DPP9: variants seen among roughly 807,000 people sequenced by gnomAD.
DPP9 encodes the protein dipeptidyl peptidase IV-related protein-2.
In DPP9, 50 loss-of-function variants were observed where a neutral mutation model predicts 110.7. The observed-to-expected ratio is 0.45, with a 90% CI of 0.36 to 0.57. The LOEUF is 0.57. Ranked by LOEUF, DPP9 falls within the 20% of genes least tolerant of loss-of-function variation. The pLI is 0.00. For missense variants in DPP9, 1,022 were observed against 1,217.9 expected, an observed-to-expected ratio of 0.84 and a Z score of 2.39; for synonymous variants, 561 against 514.4, an observed-to-expected ratio of 1.09 and a Z score of -1.23.
intron 19 of DPP9, 133 bp downstream of exon 19, chr19:4,683,344 C>G: frequency 6.8e-7 from 1 of 1,479,724 alleles, no homozygotes. Context: ...GAAACAGCCA[C>G]GTGGCAAGGC....
rs2090398852 is a variant in DPP9 at position 4,684,543 on chromosome 19, A to C, written c.2178+120T>G. On this transcript the variant is annotated intron_variant, in intron 18 of 21. Coordinates refer to ENST00000262960, the MANE Select transcript of DPP9 (RefSeq NM_139159.5). The surrounding 1 kb of genome is among the most constrained non-coding windows in gnomAD (Gnocchi z 4.8). The stretch of plus-strand genomic sequence containing the variant: ...CGCCTCATTGAGCCTGCGTCACCCC[A>C]GCCAGAAGTGCCCTTCTGCGGGTGG... 1.1e-5 allele frequency: 13 copies of C among 1,202,902 alleles called. No homozygotes were observed. The highest frequency in any genetic ancestry group is 1.3e-5 in the Non-Finnish European group (11 of 862,494). The allele number at this position is 1,202,902 out of a possible 1,614,324, so 74.5% of individuals were successfully genotyped here.
In DPP9 at chr19:4,688,812, G is replaced by A. The variant is rs773659670; in HGVS notation, c.1830C>T (p.Asp610=). The A allele has an allele frequency of 1.0e-5, 15 of 1,489,654 alleles. No individual in the cohort carries two copies. Among genetic ancestry groups the A allele is most frequent in the African/African-American group, 3.0e-5 (2 of 67,606 alleles). 92.3% of individuals were successfully genotyped at this position (1,489,654 alleles called of 1,614,324 possible). Residue 610 remains aspartate (D), a synonymous_variant, in exon 16 of 22, where the codon GAC becomes GAT. Coordinates refer to ENST00000262960, the MANE Select transcript of DPP9 (RefSeq NM_139159.5). ...CVHVYKLSGP[D]DDPLHKQPRF... is the part of the protein sequence containing the mutation. Reference sequence around the variant, plus strand: ...GGGGCTGCTTGTGCAGGGGGTCGTCGTCGGGGCCGCTCAGCTTGTAGACGT... The same window carrying A: ...GGGGCTGCTTGTGCAGGGGGTCGTCATCGGGGCCGCTCAGCTTGTAGACGT...
In DPP9 at chr19:4,684,814, G is replaced by C. The variant is rs774127172; in HGVS notation, c.2032-5C>G. On this transcript the variant is annotated splice_region_variant and splice_polypyrimidine_tract_variant and intron_variant, in intron 17 of 21. Coordinates refer to ENST00000262960, the MANE Select transcript of DPP9 (RefSeq NM_139159.5). This position sits in a 1 kb window ranked among gnomAD's most constrained non-coding sequence, Gnocchi z 4.8. ...GGAGTTATTCACCAGCTGCACCTGT[G>C]GGGAGGTGAGGGCCAGCAGTCCAGC... 6.3e-7 allele frequency: 1 copy of C among 1,586,956 alleles called. No homozygotes were observed. Among genetic ancestry groups the C allele is most frequent in the South Asian group, 1.2e-5 (1 of 86,882 alleles).
At chr19:4,690,189 T>C (rs901075508) in intron 14 of DPP9, among the ~76,000 whole-genome samples, 5 of 152,216 alleles carry the variant, frequency 3.3e-5, no homozygotes, top group African/African-American at 1.2e-4. Context: ...TGGTGTCTCC[T>C]GGAGGAGTGG....
At chr19:4,705,470 C>T (rs900183097) in intron 5 of DPP9, among the ~76,000 whole-genome samples, 4 of 152,202 alleles carry the variant, frequency 2.6e-5, no homozygotes, top group African/African-American at 9.7e-5. Context: ...AATCCTCTTG[C>T]CTCGGCCTCC....
rs758690317 is a variant in DPP9, at chr19:4,702,139, C to T, written c.900G>A (p.Lys300=). The change falls in exon 9 of 22, where the codon AAG becomes AAA. Residue 300 remains lysine, a synonymous_variant. Coordinates refer to ENST00000262960, the MANE Select transcript of DPP9 (RefSeq NM_139159.5). ...CTTCCTCATACAGGATTCGCAGCGT[C>T]TTGAGGCCCTCTGAACCTTGGGTGG... is the stretch of plus-strand genomic sequence containing the variant. ...TASWEGSEGL[K]TLRILYEEVD... 17 of 1,612,970 alleles carry T rather than the reference C, an allele frequency of 1.1e-5. No individual in the cohort carries two copies. The East Asian group carries it at 2.5e-4, about 23-fold the overall frequency.
At chr19:4,699,473 G>T (rs1452665185) in intron 10 of DPP9, among the ~76,000 whole-genome samples, 2 of 152,110 alleles carry the variant, frequency 1.3e-5, no homozygotes, top group Non-Finnish European at 2.9e-5. Context: ...TGGGGCTATT[G>T]GGGGTCCCCT....
chr19:4,702,387 A>G (rs10417187), intron 8 of DPP9, among the ~76,000 whole-genome samples: 6,851 of 152,216 alleles, frequency 0.045, 509 homozygotes, highest in African/African-American at 0.16. Flanking sequence ...ATGAACTGGC[A>G]TGGGAAGTGG....
rs1403228345 is a variant in DPP9 at position 4,718,310 on chromosome 19, C to T, written c.56+1541G>A. 3.9e-5 allele frequency among the ~76,000 whole-genome samples: 6 copies of T among 152,252 alleles called. No individual in the cohort carries two copies. The highest frequency in any genetic ancestry group is 1.3e-4 in the Admixed American group (2 of 15,292). On this transcript the variant is annotated intron_variant, in intron 3 of 21. Transcript: ENST00000262960. This position sits in a 1 kb window ranked among gnomAD's most constrained non-coding sequence, Gnocchi z 4.3. ...GTTGGAGATGGGGGAAGTATTTGGA[C>T]GCCTAGAAGGAACTGTAGATTCAGT...
Position 4,714,124 on chromosome 19 carries a change from C to T in DPP9, c.270G>A (p.Lys90=), listed in dbSNP as rs752458011. The T allele has an allele frequency of 1.2e-6, 2 of 1,613,406 alleles. No individual in the cohort carries two copies. The highest frequency in any genetic ancestry group is 8.5e-7 in the Non-Finnish European group (1 of 1,179,742). Reference sequence around the variant, plus strand: ...GGGAGTGGGGCCCAGACTCATCCGTCTTCTGCACAAACTGGAAGTCGTGGG... The same window carrying T: ...GGGAGTGGGGCCCAGACTCATCCGTTTTCTGCACAAACTGGAAGTCGTGGG... ...KAPHDFQFVQ[K]TDESGPHSHR... is the part of the protein sequence containing the mutation. Residue 90 remains lysine (K), a synonymous_variant, in exon 4 of 22, where the codon AAG becomes AAA. Coordinates refer to ENST00000262960, the MANE Select transcript of DPP9 (RefSeq NM_139159.5).
At position 4,684,020 on chromosome 19, in the gene DPP9, C is replaced by T. The variant is rs1418082200; in HGVS notation, c.2179-391G>A. The T allele has an allele frequency of 1.3e-5, 5 of 390,590 alleles. No homozygotes were observed. Among genetic ancestry groups the T allele is most frequent in the South Asian group, 8.3e-5 (4 of 48,052 alleles). 24.2% of individuals were successfully genotyped at this position (390,590 alleles called of 1,614,324 possible). On this transcript the variant is annotated intron_variant, in intron 18 of 21. Transcript: ENST00000262960. The surrounding 1 kb of genome is among the most constrained non-coding windows in gnomAD (Gnocchi z 4.8). ...TGCCATCGCCGTTGTCACTACCAGC[C>T]ACATCCCCACCACCGCCACTGCCAC... is the stretch of plus-strand genomic sequence containing the variant.
intron 9 of DPP9, among the ~76,000 whole-genome samples, chr19:4,701,013 T>C (rs1032580703): frequency 1.3e-5 from 2 of 152,276 alleles, no homozygotes; most frequent in Admixed American, 1.3e-4. Context: ...GAAGCTTCCA[T>C]CTAGCACGGC....
rs1050682065 is a variant in DPP9, at chr19:4,702,667, G to A, written c.819C>T (p.Phe273=). 1.2e-5 allele frequency: 19 copies of A among 1,604,194 alleles called. No homozygotes were observed. Among genetic ancestry groups the A allele is most frequent in the East Asian group, 2.2e-5 (1 of 44,512 alleles). The change falls in exon 8 of 22, where the codon TTC becomes TTT. Residue 273 remains phenylalanine (F), a synonymous_variant. Transcript: ENST00000262960. ...DDPKSAGVAT[F]VIQEEFDRFT... ...AGCGGTCGAACTCTTCCTGTATGAC[G>A]AAGGTGGCCACACCCGCAGACTTGG...
At position 4,676,694 on chromosome 19, in the gene DPP9, C is replaced by T. The variant is rs1405443517; in HGVS notation, c.2587-38G>A. The T allele has an allele frequency of 2.0e-6, 3 of 1,529,244 alleles. No homozygotes were observed. Among genetic ancestry groups the T allele is most frequent in the Non-Finnish European group, 2.7e-6 (3 of 1,122,310 alleles). 94.7% of individuals were successfully genotyped at this position (1,529,244 alleles called of 1,614,324 possible). A position where few individuals can be genotyped will look rare whatever the true frequency, so the allele number is the denominator to read the frequency against. ...AGGAGGCAGGGCTGGGGGGCGTGGCCGGACCACCCCCGTGTCCTAGGCTCC... is the reference window on the plus strand; with the variant it reads ...AGGAGGCAGGGCTGGGGGGCGTGGCTGGACCACCCCCGTGTCCTAGGCTCC... On this transcript the variant is annotated intron_variant, in intron 21 of 21. Coordinates refer to ENST00000262960, the MANE Select transcript of DPP9 (RefSeq NM_139159.5). The surrounding 1 kb of genome is among the most constrained non-coding windows in gnomAD (Gnocchi z 4.0).
In DPP9 at chr19:4,694,609, A is replaced by T. The variant is rs548914307; in HGVS notation, c.1516+52T>A. 177 of 1,573,808 alleles carry T rather than the reference A, an allele frequency of 1.1e-4. No individual in the cohort carries two copies. The highest frequency in any genetic ancestry group is 1.4e-4 in the Non-Finnish European group (158 of 1,158,164). On this transcript the variant is annotated intron_variant, in intron 13 of 21. Coordinates refer to ENST00000262960, the MANE Select transcript of DPP9 (RefSeq NM_139159.5). The surrounding 1 kb of genome is among the most constrained non-coding windows in gnomAD (Gnocchi z 4.0). ...GACCAATGAACAAACAGCATATTGA[A>T]CCACACGTGACTAACGCGATGAGTC...
chr19:4,720,062 A>T, intron 2 of DPP9, 121 bp from the exon 3 acceptor site: 1 of 804,454 alleles, frequency 1.2e-6, no homozygotes, highest in Non-Finnish European at 2.1e-6. Context: ...TCCGGGGAGC[A>T]CCCTGAAGCC....
At chr19:4,680,327 C>T (rs1444783398) in intron 20 of DPP9, among the ~76,000 whole-genome samples, 2 of 151,440 alleles carry the variant, frequency 1.3e-5, no homozygotes, top group Non-Finnish European at 2.9e-5. Flanking sequence ...ATCACTTGAG[C>T]CCAGGAGGTG....
rs10426285 is a variant in DPP9, at chr19:4,700,452, G to C, written c.1013-175C>G. ...TGTCTGTAGGCACATCGTCCTGCTGGAACAGGCATGACACCCTCAGGTGGG... is the reference window on the plus strand; with the variant it reads ...TGTCTGTAGGCACATCGTCCTGCTGCAACAGGCATGACACCCTCAGGTGGG... On this transcript the variant is annotated intron_variant, in intron 9 of 21. Coordinates refer to ENST00000262960, the MANE Select transcript of DPP9 (RefSeq NM_139159.5). This position sits in a 1 kb window ranked among gnomAD's most constrained non-coding sequence, Gnocchi z 4.3. Among the ~76,000 whole-genome samples the C allele has an allele frequency of 0.045, 6,869 of 152,286 alleles. 515 individuals are homozygous for C. The highest frequency in any genetic ancestry group is 0.16 in the African/African-American group (6,547 of 41,542).
chr19:4,704,105 C>A lies in DPP9; in HGVS notation c.600+26G>T, dbSNP rs751479230. 1.2e-6 allele frequency: 2 copies of A among 1,613,774 alleles called. No individual in the cohort carries two copies. Among genetic ancestry groups the A allele is most frequent in the East Asian group, 2.2e-5 (1 of 44,882 alleles). ...GGGGAGGGGCCCTCCACGCCACCCC[C>A]GCACACAGCCAGGGCCAGGGCTCAC... On this transcript the variant is annotated intron_variant, in intron 6 of 21. Coordinates refer to ENST00000262960, the MANE Select transcript of DPP9 (RefSeq NM_139159.5). The surrounding 1 kb of genome is among the most constrained non-coding windows in gnomAD (Gnocchi z 6.0).
Sources: allele counts gnomAD v4.1 joint callset (sites outside exome capture counted in the v4.1 genomes callset), GRCh38; gene constraint gnomAD v4.1.1; non-coding constraint Gnocchi (gnomAD v3.1); transcripts MANE v1.5; gene names NCBI Gene and HGNC (gene_info 2026-07-23, HGNC 2026-07-21).